Variants in AK8 observed in about 807,000 individuals in gnomAD.
AK8 encodes the protein adenylate kinase 8.
In AK8, 44 loss-of-function variants were observed where a neutral mutation model predicts 54.6. That is an observed-to-expected ratio of 0.81 (90% CI 0.63 to 1.04). AK8 has a LOEUF of 1.04. AK8 is among the 50% of genes least tolerant of loss of function. AK8 has a pLI of 0.00. For missense variants in AK8, 555 were observed against 613.6 expected (o/e 0.90, Z 1.01); for synonymous variants, 239 against 245.6 (o/e 0.97, Z 0.25).
chr9:132,829,043 G>A (rs866401390), intron 5 of AK8, among the ~76,000 whole-genome samples: 7 of 150,054 alleles, frequency 4.7e-5, no homozygotes, highest in Non-Finnish European at 1.0e-4. Flanking sequence ...TGCAACCTCC[G>A]CCTCCTGGGT....
intron 5 of AK8, among the ~76,000 whole-genome samples, chr9:132,841,878 G>GA (rs756858163): frequency 7.9e-5 from 12 of 152,148 alleles, no homozygotes; most frequent in Non-Finnish European, 1.6e-4. Context: ...GGAGGAGACA[G>GA]AAAATCTCCT....
Position 132,790,239 on chromosome 9 carries a change from T to G in AK8, c.1121+2395A>C, listed in dbSNP as rs114122617. Among the ~76,000 whole-genome samples, 716 of 151,978 alleles carry G rather than the reference T, an allele frequency of 4.7e-3. 5 individuals carry two copies. The highest frequency in any genetic ancestry group is 0.017 in the African/African-American group (688 of 41,428). ...ATAAACATTAACTAGAGATTTTAAA[T>G]CACGGAGCTATACTTCTTTTTTTTT... On this transcript the variant is annotated intron_variant, in intron 11 of 12. Coordinates refer to ENST00000298545, the MANE Select transcript of AK8 (RefSeq NM_152572.3). This position sits in a 1 kb window ranked among gnomAD's most constrained non-coding sequence, Gnocchi z 4.1.
In AK8 at chr9:132,854,911, C is replaced by T; in HGVS notation, c.348G>A (p.Ala116=). 3.1e-6 allele frequency: 5 copies of T among 1,613,956 alleles called. No homozygotes were observed. Among genetic ancestry groups the T allele is most frequent in the South Asian group, 2.2e-5 (2 of 91,074 alleles). ...LYLQRKTVPS[A]LLVQLIQERL... ...GTTCCTGAATCAGCTGGACGAGCAG[C>T]GCGCTGGGAACTGTCTGAAGGAAAA... The change falls in exon 5 of 13, where the codon GCG becomes GCA. Residue 116 remains alanine (A), a synonymous_variant. Coordinates refer to ENST00000298545, the MANE Select transcript of AK8 (RefSeq NM_152572.3).
At chr9:132,787,785 G>A (rs1326224600) in intron 11 of AK8, among the ~76,000 whole-genome samples, 1 of 152,174 alleles carries the variant, frequency 6.6e-6, no homozygotes, top group Non-Finnish European at 1.5e-5. Flanking sequence ...GAACACATGT[G>A]TTTCCGGTGT....
rs1843331473 is a variant in AK8 at position 132,860,241 on chromosome 9, A to G, written c.333+3424T>C. On this transcript the variant is annotated intron_variant, in intron 4 of 12. Transcript: ENST00000298545. The surrounding 1 kb of genome is among the most constrained non-coding windows in gnomAD (Gnocchi z 4.4). ...AGCAGGAGAGGGCCCAGGAGCCATA[A>G]GAACACCATCTCCTCGGCGAGATTT... Among the ~76,000 whole-genome samples, 2 of 151,748 alleles carry G rather than the reference A, an allele frequency of 1.3e-5. No homozygotes were observed. Among genetic ancestry groups the G allele is most frequent in the South Asian group, 2.1e-4 (1 of 4,806 alleles).
intron 5 of AK8, among the ~76,000 whole-genome samples, chr9:132,840,397 A>G (rs1248256298): frequency 7.7e-6 from 1 of 129,990 alleles, no homozygotes; most frequent in Non-Finnish European, 1.6e-5. Flanking sequence ...CTCAATCCCA[A>G]GTGGACACTC....
intron 11 of AK8, among the ~76,000 whole-genome samples, chr9:132,734,842 C>T (rs1837022226): frequency 6.6e-6 from 1 of 152,134 alleles, no homozygotes; most frequent in Non-Finnish European, 1.5e-5. Context: ...CCAGACTGGC[C>T]AGCATGGTGA....
intron 5 of AK8, among the ~76,000 whole-genome samples, chr9:132,830,804 G>A (rs1221405847): frequency 6.6e-6 from 1 of 152,152 alleles, no homozygotes; most frequent in Non-Finnish European, 1.5e-5. Context: ...CGCTGCTTTC[G>A]TCTTTGGATT....
chr9:132,873,086 T>TA (rs2131445316), intron 2 of AK8, among the ~76,000 whole-genome samples: 1 of 152,352 alleles, frequency 6.6e-6, no homozygotes, highest in Non-Finnish European at 1.5e-5. Flanking sequence ...GTGCTGGGAT[T>TA]ACAGGCGTGA....
intron 8 of AK8, among the ~76,000 whole-genome samples, chr9:132,823,644 G>A (rs1841749167): frequency 1.3e-5 from 2 of 152,208 alleles, no homozygotes; most frequent in Non-Finnish European, 2.9e-5. Flanking sequence ...ACTAGGGCTG[G>A]CTGTGTTGCA....
intron 5 of AK8, among the ~76,000 whole-genome samples, chr9:132,832,147 T>TAAA (rs11284702): frequency 4.7e-5 from 5 of 105,376 alleles, no homozygotes; most frequent in Non-Finnish European, 9.0e-5. Flanking sequence ...CACTGACATT[T>TAAA]AAAAAAAAAA....
intron 10 of AK8, among the ~76,000 whole-genome samples, chr9:132,805,200 C>T (rs935347831): frequency 6.6e-6 from 1 of 152,216 alleles, no homozygotes; most frequent in African/African-American, 2.4e-5. Flanking sequence ...GAGAGGGAAA[C>T]GCTTCTAGAA....
chr9:132,875,331 C>T (rs577248300), intron 1 of AK8, 132 bp from the exon 2 acceptor site: 30 of 1,482,936 alleles, frequency 2.0e-5, no homozygotes, highest in Middle Eastern at 2.5e-4. Context: ...ACCCAGCCAC[C>T]GCCCCAGCTG....
At chr9:132,867,024 G>C in intron 2 of AK8, 71 bp from the exon 3 acceptor site, 1 of 1,447,162 alleles carries the variant, frequency 6.9e-7, no homozygotes, top group South Asian at 1.1e-5. Context: ...CGGTACTCGG[G>C]GTGTACTTAT....
chr9:132,852,467 G>GGGTGT (rs1843001593), intron 5 of AK8, among the ~76,000 whole-genome samples: 1 of 152,110 alleles, frequency 6.6e-6, no homozygotes, highest in East Asian at 1.9e-4. Context: ...AAAATTAGCC[G>GGGTGT]GGTGTGGTGG....
At chr9:132,810,402 C>T (rs538600269) in intron 10 of AK8, among the ~76,000 whole-genome samples, 4 of 152,258 alleles carry the variant, frequency 2.6e-5, no homozygotes, top group East Asian at 1.9e-4. Flanking sequence ...AACGACTCTG[C>T]GCCTGGACCA....
At chr9:132,751,550 AAAAC>A in intron 11 of AK8, among the ~76,000 whole-genome samples, 1 of 151,442 alleles carries the variant, frequency 6.6e-6, no homozygotes, top group South Asian at 2.1e-4. Context: ...AAAAAAAAAA[AAAAC>A]AACTTCTGGG....
chr9:132,728,461 TCA>T (rs1836676577), intron 11 of AK8, among the ~76,000 whole-genome samples: 1 of 152,246 alleles, frequency 6.6e-6, no homozygotes, highest in African/African-American at 2.4e-5. Context: ...TCTGTCAGAC[TCA>T]GTTACCCCAA....
chr9:132,866,910 T>G lies in AK8; in HGVS notation c.213A>C (p.Thr71=), dbSNP rs774870432. 3 of 1,614,114 alleles carry G rather than the reference T, an allele frequency of 1.9e-6. No individual in the cohort carries two copies. The highest frequency in any genetic ancestry group is 2.2e-5 in the East Asian group (1 of 44,888). ...VILGPPASGK[T]TIAMWLCKHL... is the part of the protein sequence containing the mutation. ...CTTAATATGATACACTTACTATTGTTGTTTTCCCTGAGGCGGGTGGACCTA... is the reference window on the plus strand; with the variant it reads ...CTTAATATGATACACTTACTATTGTGGTTTTCCCTGAGGCGGGTGGACCTA... Residue 71 remains threonine, a synonymous_variant, in exon 3 of 13, where the codon ACA becomes ACC. Transcript: ENST00000298545.
Sources: gnomAD v4.1 joint callset for allele counts (sites outside exome capture counted in the v4.1 genomes callset) on GRCh38, gnomAD v4.1.1 for gene constraint, Gnocchi (gnomAD v3.1) non-coding constraint, MANE v1.5 for transcripts, NCBI Gene and HGNC (gene_info 2026-07-23, HGNC 2026-07-21) for gene names.